The following CFAP97D2 variants were observed in gnomAD, a reference collection of about 807,000 sequenced individuals.
The protein encoded by CFAP97D2 is uncharacterized protein CFAP97D2.
chr13:114,215,160 A>G (rs1301244396), intron 4 of CFAP97D2, among the ~76,000 whole-genome samples: 1 of 152,182 alleles, frequency 6.6e-6, no homozygotes, highest in Non-Finnish European at 1.5e-5. Context: ...AGTGGTCCCA[A>G]AGTGTCTGTC....
intron 1 of CFAP97D2, among the ~76,000 whole-genome samples, chr13:114,182,637 A>G (rs2080840458): frequency 6.6e-6 from 1 of 152,202 alleles, no homozygotes; most frequent in African/African-American, 2.4e-5. Context: ...CCCCTGGTTT[A>G]TTGAGACTAG....
intron 3 of CFAP97D2, among the ~76,000 whole-genome samples, chr13:114,202,880 G>C (rs1483826184): frequency 6.6e-6 from 1 of 152,162 alleles, no homozygotes. Flanking sequence ...GAGAAGACCT[G>C]TGTGTCCCTC....
At chr13:114,196,604 T>C (rs1032142023) in intron 2 of CFAP97D2, 128 bp downstream of exon 2, 8 of 395,780 alleles carry the variant, frequency 2.0e-5, no homozygotes, top group African/African-American at 1.0e-4. Context: ...GCAGTCTAGG[T>C]GATTAATTAG....
chr13:114,194,783 G>A (rs1295476343), intron 1 of CFAP97D2, among the ~76,000 whole-genome samples: 1 of 152,136 alleles, frequency 6.6e-6, no homozygotes, highest in Non-Finnish European at 1.5e-5. Context: ...TAACATTAAG[G>A]GGTTCAAAAG....
At chr13:114,194,151 G>T (rs568245982) in intron 1 of CFAP97D2, among the ~76,000 whole-genome samples, 1 of 152,322 alleles carries the variant, frequency 6.6e-6, no homozygotes, top group Non-Finnish European at 1.5e-5. Context: ...AATACAGATT[G>T]AATGATGGAA....
chr13:114,182,422 G>A (rs867454839), intron 1 of CFAP97D2, among the ~76,000 whole-genome samples: 1 of 151,920 alleles, frequency 6.6e-6, no homozygotes, highest in African/African-American at 2.4e-5. Flanking sequence ...AGGAGACAGT[G>A]GCCTTCCTCT....
rs1427757088 is a variant in CFAP97D2 at position 114,211,730 on chromosome 13, C to G, written c.291-182C>G. Among the ~76,000 whole-genome samples, 1 of 152,238 alleles carries G rather than the reference C, an allele frequency of 6.6e-6. No individual in the cohort carries two copies. Among genetic ancestry groups the G allele is most frequent in the Non-Finnish European group, 1.5e-5 (1 of 68,044 alleles). On this transcript the variant is annotated intron_variant, in intron 3 of 4. Coordinates refer to ENST00000646158, the Ensembl canonical transcript of CFAP97D2. This position sits in a 1 kb window ranked among gnomAD's most constrained non-coding sequence, Gnocchi z 4.2. ...GGCTGAGTGTGCCCTTCGCTCCTCT[C>G]TGAGCCAGCAGCTCCCACTCCAGCA...
chr13:114,208,614 C>A (rs1470897087), intron 3 of CFAP97D2, among the ~76,000 whole-genome samples: 1 of 152,182 alleles, frequency 6.6e-6, no homozygotes, highest in Non-Finnish European at 1.5e-5. Flanking sequence ...GTGATAAAGT[C>A]ATAGGTTACC....
chr13:114,183,771 C>T (rs369441502), intron 1 of CFAP97D2, among the ~76,000 whole-genome samples: 12 of 152,324 alleles, frequency 7.9e-5, no homozygotes, highest in African/African-American at 2.9e-4. Flanking sequence ...AAAGGCCCCA[C>T]CTCTTATTAC....
chr13:114,210,942 G>A (rs747898800), intron 3 of CFAP97D2, among the ~76,000 whole-genome samples: 1 of 151,926 alleles, frequency 6.6e-6, no homozygotes, highest in Non-Finnish European at 1.5e-5. Flanking sequence ...GTGTGCTATG[G>A]TTTTCCAAAA....
At chr13:114,215,351 G>A (rs1484807753) in intron 4 of CFAP97D2, among the ~76,000 whole-genome samples, 1 of 152,118 alleles carries the variant, frequency 6.6e-6, no homozygotes, top group Non-Finnish European at 1.5e-5. Context: ...TATTATCAAT[G>A]TCATAAGTAT....
In CFAP97D2 at chr13:114,215,145, C is replaced by T. The variant is rs113061022; in HGVS notation, c.480+3044C>T. Among the ~76,000 whole-genome samples, 668 of 152,286 alleles carry T rather than the reference C, an allele frequency of 4.4e-3. 6 individuals are homozygous for T. The highest frequency in any genetic ancestry group is 0.015 in the African/African-American group (643 of 41,562). On this transcript the variant is annotated intron_variant, in intron 4 of 4. Coordinates refer to ENST00000646158, the Ensembl canonical transcript of CFAP97D2. Reference sequence around the variant, plus strand: ...AACAGTCTAGCAATTTTCACCTCTGCTTAAAGTGGTCCCAAAGTGTCTGTC... The same window carrying T: ...AACAGTCTAGCAATTTTCACCTCTGTTTAAAGTGGTCCCAAAGTGTCTGTC...
intron 3 of CFAP97D2, among the ~76,000 whole-genome samples, chr13:114,210,802 G>T (rs1315244158): frequency 6.6e-6 from 1 of 151,374 alleles, no homozygotes; most frequent in Non-Finnish European, 1.5e-5. Flanking sequence ...TGCCAACAGT[G>T]CCTCCCTCTC....
intron 1 of CFAP97D2, among the ~76,000 whole-genome samples, chr13:114,191,651 A>G (rs999704232): frequency 5.9e-5 from 9 of 152,238 alleles, no homozygotes; most frequent in Non-Finnish European, 8.8e-5. Context: ...GGGAATTCAA[A>G]ATCATACAGC....
At chr13:114,192,076 G>A (rs1172261410) in intron 1 of CFAP97D2, among the ~76,000 whole-genome samples, 2 of 149,312 alleles carry the variant, frequency 1.3e-5, no homozygotes, top group Non-Finnish European at 3.0e-5. Context: ...GGGTGGGTGG[G>A]GGGAGGAAGG....
intron 4 of CFAP97D2, among the ~76,000 whole-genome samples, chr13:114,215,072 G>T (rs556861942): frequency 6.6e-6 from 1 of 152,234 alleles, no homozygotes; most frequent in East Asian, 1.9e-4. Flanking sequence ...TAAATCAAAG[G>T]TAAGCACATT....
chr13:114,205,353 T>A (rs568971652), intron 3 of CFAP97D2, among the ~76,000 whole-genome samples: 22 of 152,324 alleles, frequency 1.4e-4, no homozygotes, highest in Non-Finnish European at 2.9e-4. Flanking sequence ...CCAAGAGAAA[T>A]GAAAACATGT....
chr13:114,190,531 A>G (rs936616844), intron 1 of CFAP97D2, among the ~76,000 whole-genome samples: 4 of 152,250 alleles, frequency 2.6e-5, no homozygotes, highest in Non-Finnish European at 5.9e-5. Context: ...TAAAAACATG[A>G]TAACAATTAT....
intron 3 of CFAP97D2, among the ~76,000 whole-genome samples, chr13:114,202,351 C>A (rs1298111967): frequency 6.6e-6 from 1 of 152,174 alleles, no homozygotes; most frequent in Non-Finnish European, 1.5e-5. Flanking sequence ...ACATGAGAGA[C>A]CCCCAGAATG....
Sources: allele counts gnomAD v4.1 joint callset (sites outside exome capture counted in the v4.1 genomes callset), GRCh38; gene constraint gnomAD v4.1.1; non-coding constraint Gnocchi (gnomAD v3.1); transcripts MANE v1.5; gene names NCBI Gene and HGNC (gene_info 2026-07-23, HGNC 2026-07-21).